LTBP1: variants seen among roughly 807,000 people sequenced by gnomAD.
LTBP1 encodes the protein latent-transforming growth factor beta-binding protein 1.
LTBP1 carries 129 observed loss-of-function variants against 207.6 expected under a neutral mutation model. That is an observed-to-expected ratio of 0.62 (90% CI 0.54 to 0.72). LTBP1 has a LOEUF of 0.72. Among genes scored for constraint, LTBP1 ranks in the 30% least tolerant of loss-of-function variants. The pLI is 0.00. For synonymous variants in LTBP1, 963 were observed against 833.7 expected (o/e 1.16, Z -2.67); for missense variants, 2,281 against 2,217.2 (o/e 1.03, Z -0.58).
At chr2:33,172,121 A>G (rs951922806) in intron 5 of LTBP1, among the ~76,000 whole-genome samples, 9 of 152,214 alleles carry the variant, frequency 5.9e-5, no homozygotes, top group Non-Finnish European at 1.3e-4. Flanking sequence ...ATAACCAGCT[A>G]ACATCAAAAT....
intron 3 of LTBP1, among the ~76,000 whole-genome samples, chr2:33,081,983 T>G (rs1318969274): frequency 6.6e-6 from 1 of 151,990 alleles, no homozygotes; most frequent in Non-Finnish European, 1.5e-5. Context: ...TCAATTAAAC[T>G]TTTTTTCTTT....
chr2:32,960,013 C>A (rs1017256431), intron 2 of LTBP1, among the ~76,000 whole-genome samples: 3 of 152,226 alleles, frequency 2.0e-5, no homozygotes, highest in Admixed American at 6.5e-5. Flanking sequence ...TAACACTTAG[C>A]ATCTTCAAAA....
intron 4 of LTBP1, among the ~76,000 whole-genome samples, chr2:33,125,476 A>T (rs1471170223): frequency 6.6e-6 from 1 of 152,182 alleles, no homozygotes; most frequent in Non-Finnish European, 1.5e-5. Context: ...AAAAAGCAGA[A>T]GGGAAGAAGA....
At chr2:33,269,584 G>C (rs1405666257) in intron 15 of LTBP1, among the ~76,000 whole-genome samples, 2 of 152,170 alleles carry the variant, frequency 1.3e-5, no homozygotes, top group African/African-American at 4.8e-5. Context: ...CACAAGAAAT[G>C]AGTGCTGTCT....
chr2:33,236,832 C>G (rs2092075674), intron 9 of LTBP1, among the ~76,000 whole-genome samples: 1 of 152,172 alleles, frequency 6.6e-6, no homozygotes. Flanking sequence ...GCAGCGTCGT[C>G]CATGTGTAGC....
chr2:33,125,519 A>T (rs75550549), intron 4 of LTBP1, among the ~76,000 whole-genome samples: 5 of 152,118 alleles, frequency 3.3e-5, no homozygotes, highest in African/African-American at 7.2e-5. Flanking sequence ...TATGTTAGTT[A>T]TCAGTTGCTG....
chr2:32,997,854 T>C (rs1050533119), intron 2 of LTBP1, among the ~76,000 whole-genome samples: 2 of 152,196 alleles, frequency 1.3e-5, no homozygotes, highest in African/African-American at 4.8e-5. Context: ...AGAGACCATA[T>C]TCCAGGAACC....
chr2:33,293,826 C>G (rs1314578842), intron 20 of LTBP1, among the ~76,000 whole-genome samples: 1 of 151,836 alleles, frequency 6.6e-6, no homozygotes, highest in East Asian at 1.9e-4. Flanking sequence ...TAATAGTATA[C>G]CTACCATAAG....
At chr2:33,364,698 G>A (rs2094963515) in intron 30 of LTBP1, among the ~76,000 whole-genome samples, 3 of 152,206 alleles carry the variant, frequency 2.0e-5, no homozygotes, top group Non-Finnish European at 2.9e-5. Context: ...TCAGCAGAGT[G>A]GAGGATGTGG....
At chr2:33,052,290 G>A (rs1376878559) in intron 3 of LTBP1, among the ~76,000 whole-genome samples, 1 of 152,216 alleles carries the variant, frequency 6.6e-6, no homozygotes, top group East Asian at 1.9e-4. Context: ...ATTTAGTGAT[G>A]CAGTGATTCT....
chr2:33,089,945 G>A (rs2078984256), intron 3 of LTBP1, among the ~76,000 whole-genome samples: 1 of 152,206 alleles, frequency 6.6e-6, no homozygotes, highest in Non-Finnish European at 1.5e-5. Flanking sequence ...GGAACAACTT[G>A]TCTATAGTTT....
Position 32,967,759 on chromosome 2 carries a change from C to G in LTBP1, c.565+18814C>G, listed in dbSNP as rs542691825. On this transcript the variant is annotated intron_variant, in intron 2 of 33. Transcript: ENST00000404816. Reference sequence around the variant, plus strand: ...AATGTGGTTTGTTTTGGTGAATGTGCTACGTAATCATGAGTAAAATGTATA... The same window carrying G: ...AATGTGGTTTGTTTTGGTGAATGTGGTACGTAATCATGAGTAAAATGTATA... Among the ~76,000 whole-genome samples, 53 of 152,210 alleles carry G rather than the reference C, an allele frequency of 3.5e-4. 1 individual carries two copies. The South Asian group carries it at 0.011, about 32-fold the overall frequency.
chr2:33,388,612 T>C (rs1382849253), intron 31 of LTBP1, among the ~76,000 whole-genome samples: 1 of 152,196 alleles, frequency 6.6e-6, no homozygotes, highest in Non-Finnish European at 1.5e-5. Context: ...CTACCACGGC[T>C]GTTCTTATTA....
At chr2:33,025,632 ATGAT>A (rs1205920412) in intron 3 of LTBP1, among the ~76,000 whole-genome samples, 13 of 152,248 alleles carry the variant, frequency 8.5e-5, no homozygotes, top group Non-Finnish European at 1.6e-4. Context: ...ATATAAATGA[ATGAT>A]TGTTGATTTT....
At chr2:33,175,340 G>A (rs543425288) in intron 5 of LTBP1, among the ~76,000 whole-genome samples, 32 of 151,902 alleles carry the variant, frequency 2.1e-4, no homozygotes, top group South Asian at 1.3e-3. Context: ...AAAAGTGGGC[G>A]AAGGATATGA....
At chr2:33,355,509 G>C (rs944843191) in intron 26 of LTBP1, among the ~76,000 whole-genome samples, 11 of 151,942 alleles carry the variant, frequency 7.2e-5, no homozygotes, top group Non-Finnish European at 7.4e-5. Context: ...ATTTGTTTTT[G>C]TATGTTTTTT....
intron 2 of LTBP1, among the ~76,000 whole-genome samples, chr2:32,969,227 ATTTGTGTGTGTGTGTG>A (rs1293625173): frequency 4.1e-4 from 38 of 92,674 alleles, no homozygotes; most frequent in African/African-American, 9.4e-4. Flanking sequence ...CACCTGGCCA[ATTTGTGTGTGTGTGTG>A]TGTGTGTGTG....
intron 3 of LTBP1, among the ~76,000 whole-genome samples, chr2:33,076,779 C>T (rs975437879): frequency 7.2e-5 from 11 of 152,208 alleles, no homozygotes; most frequent in South Asian, 2.1e-4. Context: ...TCGTGATCCA[C>T]CCGTCTCGGC....
intron 3 of LTBP1, among the ~76,000 whole-genome samples, chr2:33,091,669 A>G (rs539887172): frequency 6.6e-6 from 1 of 152,200 alleles, no homozygotes; most frequent in Non-Finnish European, 1.5e-5. Context: ...ATACTCAAGG[A>G]TGGTGGCAAG....
Sources: allele counts gnomAD v4.1 joint callset (sites outside exome capture counted in the v4.1 genomes callset), GRCh38; gene constraint gnomAD v4.1.1; transcripts MANE v1.5; gene names NCBI Gene and HGNC (gene_info 2026-07-23, HGNC 2026-07-21).